The following PPP2R1A variants were observed in gnomAD, a reference collection of about 807,000 sequenced individuals.
The protein encoded by PPP2R1A is serine/threonine-protein phosphatase 2A 65 kDa regulatory subunit A alpha isoform.
PPP2R1A carries 15 observed loss-of-function variants against 67.1 expected under a neutral mutation model. The observed-to-expected ratio is 0.22, with a 90% CI of 0.15 to 0.34. The LOEUF (loss-of-function observed/expected upper bound fraction) is 0.34. PPP2R1A is among the 10% of genes least tolerant of loss of function. PPP2R1A has a pLI of 1.00. For missense variants in PPP2R1A, 369 were observed against 775.0 expected, an observed-to-expected ratio of 0.48 and a Z score of 6.22; for synonymous variants, 337 against 325.0, an observed-to-expected ratio of 1.04 and a Z score of -0.40.
At chr19:52,215,225 G>GT (rs1978493847) in intron 6 of PPP2R1A, among the ~76,000 whole-genome samples, 1 of 148,828 alleles carries the variant, frequency 6.7e-6, no homozygotes, top group African/African-American at 2.5e-5. Flanking sequence ...CCGGCTAATT[G>GT]TTTTGTTTTT....
At position 52,222,774 on chromosome 19, in the gene PPP2R1A, G is replaced by C. The variant is rs111954674; in HGVS notation, c.1661+533G>C. Among the ~76,000 whole-genome samples the C allele has an allele frequency of 6.1e-3, 932 of 152,326 alleles. 10 individuals are homozygous for C. Among genetic ancestry groups the C allele is most frequent in the African/African-American group, 0.021 (872 of 41,566 alleles). ...ACCTGTAATCCTAGCTATTTGGGAG[G>C]CTGAAGGCAAGAGAATTGCTTGAAT... On this transcript the variant is annotated intron_variant, in intron 13 of 14. Coordinates refer to ENST00000322088, the MANE Select transcript of PPP2R1A (RefSeq NM_014225.6).
chr19:52,220,091 T>G, intron 10 of PPP2R1A, 98 bp from the exon 11 acceptor site: 2 of 1,388,100 alleles, frequency 1.4e-6, no homozygotes, highest in Non-Finnish European at 2.0e-6. Context: ...GTGTCCGGTC[T>G]TTCTAGGGTG....
chr19:52,217,341 G>A (rs1417332073), intron 9 of PPP2R1A, among the ~76,000 whole-genome samples: 3 of 152,222 alleles, frequency 2.0e-5, no homozygotes, highest in East Asian at 3.9e-4. Context: ...TGGGACTACA[G>A]GCAAGAGCCA....
chr19:52,205,911 C>G (rs1431490928), intron 2 of PPP2R1A, 52 bp from the exon 3 acceptor site: 1 of 1,469,430 alleles, frequency 6.8e-7, no homozygotes, highest in East Asian at 2.3e-5. Context: ...TGAGCTTGGG[C>G]TGGGGTCAGA....
At position 52,198,996 on chromosome 19, in the gene PPP2R1A, C is replaced by T. The variant is rs1263303195; in HGVS notation, c.79-2948C>T. On this transcript the variant is annotated intron_variant, in intron 1 of 14. Transcript: ENST00000322088. ...TATTAATTGTAATTATTCCCTGTAC[C>T]ATCTCATTGTCCTCAGGGCTGTTGC... 2.0e-5 allele frequency among the ~76,000 whole-genome samples: 3 copies of T among 152,158 alleles called. No individual in the cohort carries two copies. The East Asian group carries it at 5.8e-4, about 29-fold the overall frequency.
intron 13 of PPP2R1A, among the ~76,000 whole-genome samples, chr19:52,224,600 A>T (rs1979139659): frequency 6.6e-6 from 1 of 152,074 alleles, no homozygotes; most frequent in South Asian, 2.1e-4. Flanking sequence ...ATTCTGTTCC[A>T]CTTTCCCAGC....
chr19:52,222,705 G>A (rs1304002316), intron 13 of PPP2R1A, among the ~76,000 whole-genome samples: 2 of 152,150 alleles, frequency 1.3e-5, no homozygotes, highest in Non-Finnish European at 2.9e-5. Flanking sequence ...GCGAAACCCC[G>A]TCTCTAGTAA....
intron 10 of PPP2R1A, 25 bp from the exon 11 acceptor site, chr19:52,220,164 T>C: frequency 1.2e-6 from 2 of 1,612,444 alleles, no homozygotes; most frequent in Non-Finnish European, 1.7e-6. Flanking sequence ...AACGCTTACC[T>C]TGGAACCCTT....
Position 52,216,774 on chromosome 19 carries a change from A to T in PPP2R1A, c.1128+111A>T. The T allele has an allele frequency of 6.7e-7, 1 of 1,490,336 alleles. No individual in the cohort carries two copies. 92.3% of individuals were successfully genotyped at this position (1,490,336 alleles called of 1,614,324 possible). On this transcript the variant is annotated intron_variant, in intron 9 of 14. Coordinates refer to ENST00000322088, the MANE Select transcript of PPP2R1A (RefSeq NM_014225.6). The surrounding 1 kb of genome is among the most constrained non-coding windows in gnomAD (Gnocchi z 4.3). ...GGAATCTGCTGATATCTCAACAGAC[A>T]TCCAGATCTTTGCTGAGTTGCATGT...
At chr19:52,195,827 T>C (rs1474255592) in intron 1 of PPP2R1A, among the ~76,000 whole-genome samples, 1 of 152,206 alleles carries the variant, frequency 6.6e-6, no homozygotes, top group Non-Finnish European at 1.5e-5. Context: ...TTCGGCTATG[T>C]TGAAGTTCCC....
At chr19:52,198,494 A>G (rs895061805) in intron 1 of PPP2R1A, among the ~76,000 whole-genome samples, 2 of 152,122 alleles carry the variant, frequency 1.3e-5, no homozygotes, top group Non-Finnish European at 2.9e-5. Context: ...GAACTCCAGG[A>G]AACACTTAGG....
At position 52,216,747 on chromosome 19, in the gene PPP2R1A, C is replaced by G. The variant is rs1398071018; in HGVS notation, c.1128+84C>G. On this transcript the variant is annotated intron_variant, in intron 9 of 14. Transcript: ENST00000322088. This position sits in a 1 kb window ranked among gnomAD's most constrained non-coding sequence, Gnocchi z 4.3. ...ATTGCTAGGGTTTACCTAGATTGACCAGGAATCTGCTGATATCTCAACAGA... is the reference window on the plus strand; with the variant it reads ...ATTGCTAGGGTTTACCTAGATTGACGAGGAATCTGCTGATATCTCAACAGA... 3 of 1,578,938 alleles carry G rather than the reference C, an allele frequency of 1.9e-6. No individual in the cohort carries two copies. The highest frequency in any genetic ancestry group is 1.7e-6 in the Non-Finnish European group (2 of 1,153,338).
intron 1 of PPP2R1A, among the ~76,000 whole-genome samples, chr19:52,197,634 C>T (rs2089508533): frequency 6.6e-6 from 1 of 152,132 alleles, no homozygotes; most frequent in South Asian, 2.1e-4. Flanking sequence ...ACGATTGTGC[C>T]ACTGCACTCC....
chr19:52,224,911 G>A (rs1247074671), intron 13 of PPP2R1A, among the ~76,000 whole-genome samples: 1 of 152,000 alleles, frequency 6.6e-6, no homozygotes, highest in Non-Finnish European at 1.5e-5. Flanking sequence ...ATGTTGTCCA[G>A]GCTGGTCTTG....
chr19:52,196,015 A>G (rs898346465), intron 1 of PPP2R1A, among the ~76,000 whole-genome samples: 3 of 152,168 alleles, frequency 2.0e-5, no homozygotes, highest in Non-Finnish European at 2.9e-5. Context: ...TCCAGTGACC[A>G]TGGACCCCAT....
At chr19:52,193,394 T>C (rs1318024642) in intron 1 of PPP2R1A, among the ~76,000 whole-genome samples, 2 of 152,242 alleles carry the variant, frequency 1.3e-5, no homozygotes, top group African/African-American at 4.8e-5. Flanking sequence ...CAGCACCTCC[T>C]GTGTGCCAGA....
At chr19:52,190,759 T>G (rs537894724) in intron 1 of PPP2R1A, among the ~76,000 whole-genome samples, 1 of 152,274 alleles carries the variant, frequency 6.6e-6, no homozygotes, top group South Asian at 2.1e-4. Flanking sequence ...TAGCCAAGTT[T>G]AGGAGCGAAT....
chr19:52,200,548 A>G (rs1417197163), intron 1 of PPP2R1A: 1 of 152,224 alleles, frequency 6.6e-6, no homozygotes, highest in African/African-American at 2.4e-5. Context: ...AGCCAAATAT[A>G]ATAGTTCTCT....
chr19:52,200,094 G>A (rs1376845716), intron 1 of PPP2R1A, among the ~76,000 whole-genome samples: 1 of 152,174 alleles, frequency 6.6e-6, no homozygotes, highest in Admixed American at 6.5e-5. Context: ...TCTCAGTTAT[G>A]TAGGGCCTCA....
Sources: gnomAD v4.1 joint callset for allele counts (sites outside exome capture counted in the v4.1 genomes callset) on GRCh38, gnomAD v4.1.1 for gene constraint, Gnocchi (gnomAD v3.1) non-coding constraint, MANE v1.5 for transcripts, NCBI Gene and HGNC (gene_info 2026-07-23, HGNC 2026-07-21) for gene names.